The following KCTD17 variants were observed in gnomAD, a reference collection of about 807,000 sequenced individuals.
The protein encoded by KCTD17 is BTB/POZ domain-containing protein KCTD17.
In KCTD17, 20 loss-of-function variants were observed where a neutral mutation model predicts 41.5. That is an observed-to-expected ratio of 0.48 (90% CI 0.34 to 0.70). KCTD17 has a LOEUF of 0.70. Among genes scored for constraint, KCTD17 ranks in the 30% least tolerant of loss-of-function variants. The pLI is 0.01. For missense variants in KCTD17, 317 were observed against 427.2 expected (o/e 0.74, Z 2.27); for synonymous variants, 156 against 173.8 (o/e 0.90, Z 0.80).
At chr22:37,060,509 C>T (rs937716099) in intron 5 of KCTD17, among the ~76,000 whole-genome samples, 1 of 152,190 alleles carries the variant, frequency 6.6e-6, no homozygotes, top group Non-Finnish European at 1.5e-5. Flanking sequence ...AGGCACCCCT[C>T]AGGGATACCC....
chr22:37,060,895 C>CAGGTGGAGGCAGATGCACAGGAGAA lies in KCTD17; in HGVS notation c.691_712+3dup. The CAGGTGGAGGCAGATGCACAGGAGAA allele has an allele frequency of 6.5e-7, 1 of 1,541,534 alleles. No homozygotes were observed. On this transcript the variant is annotated frameshift_variant, in exon 6 of 9. Coordinates refer to ENST00000403888, the MANE Select transcript of KCTD17 (RefSeq NM_001282684.2). LOFTEE classifies it high-confidence loss of function. ...GGAGGAGGTGGAGGTGGAACAGGTG[C>CAGGTGGAGGCAGATGCACAGGAGAA]AGGTGGAGGCAGATGCACAGGAGAA...
chr22:37,056,257 A>G (rs1170934462), intron 2 of KCTD17, 63 bp from the exon 3 acceptor site: 12 of 1,412,512 alleles, frequency 8.5e-6, no homozygotes, highest in African/African-American at 4.2e-5. Flanking sequence ...GGTGGAGGGA[A>G]CAAGAGGAGA....
Position 37,051,921 on chromosome 22 carries a change from G to T in KCTD17, c.161G>T (p.Cys54Phe). 6.7e-7 allele frequency: 1 copy of T among 1,500,682 alleles called. No homozygotes were observed. 93.0% of individuals were successfully genotyped at this position (1,500,682 alleles called of 1,614,324 possible). A position where few individuals can be genotyped will look rare whatever the true frequency, so the allele number is the denominator to read the frequency against. The change falls in exon 1 of 9, where the codon TGC becomes TTC. Residue 54 changes from cysteine to phenylalanine, a missense_variant. By Grantham distance (205) the Cys-to-Phe change is radical. Transcript: ENST00000403888. ...CAGAAGTCCTTCCTCAGCCGCCTGT[G>T]CCAGGGGGAAGAGCTGCAGTCGGAC... ...REQKSFLSRL[C>F]QGEELQSDRD...
chr22:37,055,782 G>T (rs1925034871), intron 2 of KCTD17, among the ~76,000 whole-genome samples: 1 of 152,210 alleles, frequency 6.6e-6, no homozygotes, highest in Non-Finnish European at 1.5e-5. Context: ...TCTGGAGTCT[G>T]CAGCGCTTGA....
At chr22:37,059,590 C>T in intron 5 of KCTD17, 152 bp downstream of exon 5, 1 of 891,646 alleles carries the variant, frequency 1.1e-6, no homozygotes, top group Non-Finnish European at 1.7e-6. Flanking sequence ...CGCCATCCAT[C>T]CCATGCCACC....
intron 1 of KCTD17, chr22:37,052,541 T>G (rs1924615499): frequency 2.1e-6 from 1 of 469,540 alleles, no homozygotes. Flanking sequence ...GGTCTGAAGA[T>G]GACCTCTAAG....
chr22:37,052,988 C>A, intron 1 of KCTD17, 112 bp from the exon 2 acceptor site: 1 of 859,024 alleles, frequency 1.2e-6, no homozygotes, highest in South Asian at 1.6e-5. Flanking sequence ...TTTGTGCCTG[C>A]TCCATCCAGG....
chr22:37,060,960 G>A (rs1392972366), intron 6 of KCTD17, 38 bp downstream of exon 6: 1 of 1,536,710 alleles, frequency 6.5e-7, no homozygotes, highest in Non-Finnish European at 8.8e-7. Context: ...GCTAAGCAAA[G>A]CCGGAGCCTC....
intron 1 of KCTD17, 109 bp from the exon 2 acceptor site, chr22:37,052,991 C>A: frequency 1.1e-6 from 1 of 879,014 alleles, no homozygotes; most frequent in South Asian, 1.5e-5. Context: ...GTGCCTGCTC[C>A]ATCCAGGGAA....
intron 2 of KCTD17, chr22:37,055,086 AG>A (rs1924943310): frequency 6.6e-6 from 1 of 152,284 alleles, no homozygotes; most frequent in Non-Finnish European, 1.5e-5. Flanking sequence ...AAAGAGAGGG[AG>A]CTAGCCCTCG....
At chr22:37,057,974 G>A (rs149875918) in intron 4 of KCTD17, among the ~76,000 whole-genome samples, 90 of 152,366 alleles carry the variant, frequency 5.9e-4, no homozygotes, top group African/African-American at 2.0e-3. Flanking sequence ...ATGCAGGGGA[G>A]CCCAAAGCAG....
In KCTD17 at chr22:37,062,815, C is replaced by A; in HGVS notation, c.*221C>A. The A allele has an allele frequency of 9.7e-7, 1 of 1,033,540 alleles. No individual in the cohort carries two copies. The highest frequency in any genetic ancestry group is 1.3e-6 in the Non-Finnish European group (1 of 741,618). 64.0% of individuals were successfully genotyped at this position (1,033,540 alleles called of 1,614,324 possible). ...GATGTGTGGCAATGTCTGGCTGTGT[C>A]TCTCCGGCACCTGCGTCCCCTCTCC... On this transcript the variant is annotated 3_prime_UTR_variant, in exon 9 of 9. Coordinates refer to ENST00000403888, the MANE Select transcript of KCTD17 (RefSeq NM_001282684.2).
At chr22:37,056,498 T>G in intron 3 of KCTD17, 87 bp downstream of exon 3, 2 of 1,128,392 alleles carry the variant, frequency 1.8e-6, no homozygotes, top group African/African-American at 1.5e-5. Context: ...CAGAGGAGGT[T>G]GGGAGAGACA....
At chr22:37,057,329 GT>G (rs1408257631) in intron 3 of KCTD17, 68 bp from the exon 4 acceptor site, 1 of 1,204,670 alleles carries the variant, frequency 8.3e-7, no homozygotes, top group Non-Finnish European at 1.2e-6. Flanking sequence ...GTGGCAGCAG[GT>G]GCTCATGCCC....
intron 5 of KCTD17, 125 bp downstream of exon 5, chr22:37,059,563 C>A: frequency 8.7e-7 from 1 of 1,143,222 alleles, no homozygotes; most frequent in East Asian, 2.4e-5. Flanking sequence ...CATGCACAAC[C>A]CCATGCTCAC....
At chr22:37,058,235 G>A (rs1925369178) in intron 4 of KCTD17, among the ~76,000 whole-genome samples, 1 of 152,220 alleles carries the variant, frequency 6.6e-6, no homozygotes, top group African/African-American at 2.4e-5. Context: ...AGACTGCAAG[G>A]CAGAAGGTCG....
In KCTD17 at chr22:37,056,095, C is replaced by T. The variant is rs11913600; in HGVS notation, c.299-225C>T. 0.027 allele frequency among the ~76,000 whole-genome samples: 4,122 copies of T among 152,266 alleles called. 200 individuals carry two copies. Among genetic ancestry groups the T allele is most frequent in the African/African-American group, 0.094 (3,918 of 41,528 alleles). On this transcript the variant is annotated intron_variant, in intron 2 of 8. Coordinates refer to ENST00000403888, the MANE Select transcript of KCTD17 (RefSeq NM_001282684.2). Reference sequence around the variant, plus strand: ...GCAGGTACCCCTGGGTCACCGCACTCAGCACAGCAGAGCTGTGTGGCAGCC... The same window carrying T: ...GCAGGTACCCCTGGGTCACCGCACTTAGCACAGCAGAGCTGTGTGGCAGCC...
chr22:37,059,780 C>G (rs1293854270), intron 5 of KCTD17, among the ~76,000 whole-genome samples: 1 of 152,232 alleles, frequency 6.6e-6, no homozygotes, highest in Non-Finnish European at 1.5e-5. Flanking sequence ...GGCTTGTCCT[C>G]TCCCAGCACC....
chr22:37,055,710 G>A (rs1925023882), intron 2 of KCTD17, among the ~76,000 whole-genome samples: 1 of 152,170 alleles, frequency 6.6e-6, no homozygotes, highest in Non-Finnish European at 1.5e-5. Context: ...AAACTGTAAG[G>A]TGAGGCAGTT....
Sources: allele counts gnomAD v4.1 joint callset (sites outside exome capture counted in the v4.1 genomes callset), GRCh38; gene constraint gnomAD v4.1.1; transcripts MANE v1.5; gene names NCBI Gene and HGNC (gene_info 2026-07-23, HGNC 2026-07-21).